NXNL2: variants seen among roughly 807,000 people sequenced by gnomAD.
NXNL2 encodes the protein nucleoredoxin like 2.
Under a neutral mutation model 11.1 loss-of-function variants are expected in NXNL2, and 7 were observed. The observed-to-expected ratio is 0.63, with a 90% CI of 0.36 to 1.18. NXNL2 has a LOEUF of 1.18. NXNL2 is among the 50% of genes most tolerant of loss of function. The pLI is 0.02. For synonymous variants in NXNL2, 109 were observed against 101.8 expected, an observed-to-expected ratio of 1.07 and a Z score of -0.42; for missense variants, 233 against 217.7, an observed-to-expected ratio of 1.07 and a Z score of -0.44.
intron 1 of NXNL2, among the ~76,000 whole-genome samples, chr9:88,540,310 C>T (rs563429320): frequency 4.7e-5 from 7 of 148,136 alleles, no homozygotes; most frequent in South Asian, 2.1e-4. Context: ...CCAGTCTGGG[C>T]GAAAGAGCGA....
rs1161846485 is a variant in NXNL2 at position 88,535,551 on chromosome 9, G to C, written c.117G>C (p.Ala39=). The stretch of plus-strand genomic sequence containing the variant: ...TGTACTTCGCGGCGGCCCGGTGCGC[G>C]CCGAGCCGCGACTTCACGCCGCTGC... ...VALYFAAARC[A]PSRDFTPLLC... Residue 39 remains alanine, a synonymous_variant, in exon 1 of 2, where the codon GCG becomes GCC. Coordinates refer to ENST00000375854, the MANE Select transcript of NXNL2 (RefSeq NM_001161625.2). 6.2e-7 allele frequency: 1 copy of C among 1,603,810 alleles called. No individual in the cohort carries two copies. The highest frequency in any genetic ancestry group is 8.5e-7 in the Non-Finnish European group (1 of 1,177,738).
intron 2 of NXNL2, among the ~76,000 whole-genome samples, chr9:88,573,219 T>C (rs780707848): frequency 6.6e-5 from 10 of 151,996 alleles, no homozygotes; most frequent in Middle Eastern, 3.2e-3. Context: ...TCTCAGCTCA[T>C]TGCAGCCTCT....
chr9:88,563,492 G>A (rs973785341), intron 1 of NXNL2, among the ~76,000 whole-genome samples: 3 of 152,198 alleles, frequency 2.0e-5, no homozygotes, highest in South Asian at 2.1e-4. Flanking sequence ...CCCTCCTTGC[G>A]CCCCTCAGCC....
intron 1 of NXNL2, among the ~76,000 whole-genome samples, chr9:88,569,504 CG>C (rs1564076273): frequency 6.6e-6 from 1 of 152,100 alleles, no homozygotes; most frequent in Non-Finnish European, 1.5e-5. Context: ...TTCATCTCTT[CG>C]GGTTTTCTCT....
chr9:88,559,003 T>A lies in NXNL2; in HGVS notation c.303-12084T>A, dbSNP rs183053422. Among the ~76,000 whole-genome samples, 4 of 152,058 alleles carry A rather than the reference T, an allele frequency of 2.6e-5. No individual in the cohort carries two copies. In the East Asian group the frequency reaches 7.8e-4, roughly 29 times the overall value. Reference sequence around the variant, plus strand: ...ACCCAGCACTCAACCTCCCTTAAGCTCTCCATGCTGAGCAAATAGATGTCT... The same window carrying A: ...ACCCAGCACTCAACCTCCCTTAAGCACTCCATGCTGAGCAAATAGATGTCT... On this transcript the variant is annotated intron_variant, in intron 1 of 2. Transcript: ENST00000375855.
In NXNL2 at chr9:88,544,451, C is replaced by T. The variant is rs376257686; in HGVS notation, c.375C>T (p.Ile125=). The T allele has an allele frequency of 1.8e-5, 28 of 1,551,806 alleles. No homozygotes were observed. Among genetic ancestry groups the T allele is most frequent in the Middle Eastern group, 3.3e-4 (2 of 5,994 alleles). The change falls in exon 2 of 2, where the codon ATC becomes ATT. Residue 125 remains isoleucine (I), a synonymous_variant. Coordinates refer to ENST00000375854, the MANE Select transcript of NXNL2 (RefSeq NM_001161625.2). ...LVIVKQNGEV[I]TNKGRKQIRE... Reference sequence around the variant, plus strand: ...TTGTGAAACAAAATGGGGAGGTCATCACCAACAAAGGGCGGAAGCAGATCC... The same window carrying T: ...TTGTGAAACAAAATGGGGAGGTCATTACCAACAAAGGGCGGAAGCAGATCC...
At chr9:88,577,769 C>T (rs1306654863), downstream of NXNL2, among the ~76,000 whole-genome samples, 1 of 152,208 alleles carries the variant, frequency 6.6e-6, no homozygotes, top group Non-Finnish European at 1.5e-5. Context: ...TCCAATATGT[C>T]CTTCCAAGTG....
intron 1 of NXNL2, among the ~76,000 whole-genome samples, chr9:88,554,681 G>A (rs1321290973): frequency 6.6e-6 from 1 of 152,194 alleles, no homozygotes; most frequent in Non-Finnish European, 1.5e-5. Context: ...GCAGAGCCCT[G>A]GATATAACAA....
chr9:88,540,512 C>T (rs1829731983), intron 1 of NXNL2, among the ~76,000 whole-genome samples: 1 of 152,110 alleles, frequency 6.6e-6, no homozygotes, highest in African/African-American at 2.4e-5. Flanking sequence ...GAGTTGGTGT[C>T]CCCTAAACCT....
chr9:88,541,785 T>C (rs1480959220), intron 1 of NXNL2, among the ~76,000 whole-genome samples: 3 of 152,210 alleles, frequency 2.0e-5, no homozygotes, highest in African/African-American at 4.8e-5. Context: ...TGGATAAGCG[T>C]TTTTAAGGCT....
At chr9:88,569,078 C>A (rs748250397) in intron 1 of NXNL2, among the ~76,000 whole-genome samples, 1 of 152,018 alleles carries the variant, frequency 6.6e-6, no homozygotes, top group Non-Finnish European at 1.5e-5. Context: ...AGGCATGCAC[C>A]GCCACACCAG....
intron 1 of NXNL2, among the ~76,000 whole-genome samples, chr9:88,560,160 A>C (rs2118492528): frequency 6.6e-6 from 1 of 152,184 alleles, no homozygotes; most frequent in South Asian, 2.1e-4. Flanking sequence ...GCCTCAGTGA[A>C]GATGATGAAA....
chr9:88,580,257 G>T (rs1199303052), downstream of NXNL2, among the ~76,000 whole-genome samples: 1 of 150,730 alleles, frequency 6.6e-6, no homozygotes, highest in East Asian at 2.0e-4. Flanking sequence ...GGGTTCAAGT[G>T]ATTCTTCTGC....
At chr9:88,581,179 A>G (rs1830404914) in intron 1 of NXNL2, among the ~76,000 whole-genome samples, 1 of 152,220 alleles carries the variant, frequency 6.6e-6, no homozygotes, top group African/African-American at 2.4e-5. Flanking sequence ...GTGTCTGCCA[A>G]GTTAAGTCTT....
At chr9:88,584,021 G>A (rs897274611) in exon 2 of NXNL2, 1 of 152,226 alleles carries the variant, frequency 6.6e-6, no homozygotes, top group African/African-American at 2.4e-5. Flanking sequence ...ACTAATACAT[G>A]CGGCCACCTT....
chr9:88,544,901 T>G lies in NXNL2; in HGVS notation c.*354T>G. ...AATAATATATTTATTGATAACATTT[T>G]CTGGCGATCTGTTTATTTTAATGGT... is the stretch of plus-strand genomic sequence containing the variant. On this transcript the variant is annotated 3_prime_UTR_variant, in exon 2 of 2. Coordinates refer to ENST00000375854, the MANE Select transcript of NXNL2 (RefSeq NM_001161625.2). 1 of 993,132 alleles carries G rather than the reference T, an allele frequency of 1.0e-6. No homozygotes were observed. The highest frequency in any genetic ancestry group is 1.7e-5 in the African/African-American group (1 of 57,698). 61.5% of individuals were successfully genotyped at this position (993,132 alleles called of 1,614,324 possible). A position where few individuals can be genotyped will look rare whatever the true frequency, so the allele number is the denominator to read the frequency against.
chr9:88,555,888 T>C (rs1830003456), intron 1 of NXNL2, among the ~76,000 whole-genome samples: 1 of 152,132 alleles, frequency 6.6e-6, no homozygotes, highest in Non-Finnish European at 1.5e-5. Context: ...CCGGCCACAG[T>C]GCACAGCCAG....
downstream of NXNL2, among the ~76,000 whole-genome samples, chr9:88,579,949 T>C (rs567660845): frequency 5.1e-4 from 78 of 151,726 alleles, no homozygotes; most frequent in African/African-American, 1.7e-3. Flanking sequence ...ACTAACACGG[T>C]GAAATCCTAT....
intron 1 of NXNL2, among the ~76,000 whole-genome samples, chr9:88,540,005 TG>T (rs1164465085): frequency 6.6e-6 from 1 of 151,834 alleles, no homozygotes; most frequent in Non-Finnish European, 1.5e-5. Flanking sequence ...TTTATGCCTT[TG>T]GGGAAAGCTA....
Sources: gnomAD v4.1 joint callset for allele counts (sites outside exome capture counted in the v4.1 genomes callset) on GRCh38, gnomAD v4.1.1 for gene constraint, MANE v1.5 for transcripts, NCBI Gene and HGNC (gene_info 2026-07-23, HGNC 2026-07-21) for gene names.